Variants in DGKI observed in about 807,000 individuals in gnomAD.
The protein encoded by DGKI is diacylglycerol kinase iota.
Under a neutral mutation model 147.5 loss-of-function variants are expected in DGKI, and 55 were observed. The observed-to-expected ratio is 0.37, with a 90% CI of 0.30 to 0.47. DGKI has a LOEUF of 0.47. Among genes scored for constraint, DGKI ranks in the 20% least tolerant of loss-of-function variants. The probability of loss-of-function intolerance (pLI) is 1.00; values close to 1 mark genes in which losing one functional copy is unlikely to be tolerated. For missense variants in DGKI, 1,007 were observed against 1,323.8 expected, an observed-to-expected ratio of 0.76 and a Z score of 3.71; for synonymous variants, 469 against 477.1, an observed-to-expected ratio of 0.98 and a Z score of 0.22.
intron 1 of DGKI, among the ~76,000 whole-genome samples, chr7:137,803,811 G>T (rs570935587): frequency 6.6e-6 from 1 of 152,306 alleles, no homozygotes; most frequent in African/African-American, 2.4e-5. Flanking sequence ...ACGGACATTG[G>T]AACACAGCAA....
At chr7:137,759,818 C>T (rs991270427) in intron 1 of DGKI, among the ~76,000 whole-genome samples, 5 of 152,008 alleles carry the variant, frequency 3.3e-5, no homozygotes, top group South Asian at 4.2e-4. Flanking sequence ...TCCTCCTTTT[C>T]GTCCCTCCCT....
rs1798714506 is a variant in DGKI, at chr7:137,846,157, TCTCTCACACACACACACACACACA to T, written c.401+281_401+304del. 1.4e-5 allele frequency among the ~76,000 whole-genome samples: 2 copies of T among 138,516 alleles called. No homozygotes were observed. The highest frequency in any genetic ancestry group is 5.9e-5 in the African/African-American group (2 of 33,862). The allele number at this position is 138,516 out of a possible 152,430, so 90.9% of individuals were successfully genotyped here. On this transcript the variant is annotated intron_variant, in intron 1 of 32. Transcript: ENST00000614521. The surrounding 1 kb of genome is among the most constrained non-coding windows in gnomAD (Gnocchi z 4.0). ...CTTTCTCTCTCTCTCTCTCTCTCTC[TCTCTCACACACACACACACACACA>T]CACACACACACACACACACACAGAC... is the stretch of plus-strand genomic sequence containing the variant.
chr7:137,782,089 C>T (rs189219087), intron 1 of DGKI, among the ~76,000 whole-genome samples: 28 of 152,266 alleles, frequency 1.8e-4, no homozygotes, highest in African/African-American at 6.3e-4. Flanking sequence ...TGAGAAAATC[C>T]ACAGACCCTT....
At chr7:137,528,010 A>C (rs138397363) in intron 20 of DGKI, among the ~76,000 whole-genome samples, 1 of 152,338 alleles carries the variant, frequency 6.6e-6, no homozygotes, top group East Asian at 1.9e-4. Flanking sequence ...CAGCAGCTAG[A>C]ACAATGCCTG....
chr7:137,587,058 T>G, intron 13 of DGKI, 39 bp downstream of exon 13: 2 of 1,429,640 alleles, frequency 1.4e-6, no homozygotes, highest in Non-Finnish European at 1.9e-6. Context: ...TCCGGTTTGT[T>G]GTTTGATGAT....
chr7:137,384,178 AT>A lies in DGKI; in HGVS notation c.*7041del, dbSNP rs1554392701. ...TCAAAGGAAGAAAAATAGGACTAAC[AT>A]TTTTTAAATGCTGAGAATCACAAAT... is the stretch of plus-strand genomic sequence containing the variant. On this transcript the variant is annotated 3_prime_UTR_variant, in exon 33 of 33. Transcript: ENST00000614521. 6.6e-6 allele frequency: 1 copy of A among 151,994 alleles called. No homozygotes were observed. The highest frequency in any genetic ancestry group is 1.5e-5 in the Non-Finnish European group (1 of 67,938). 9.4% of individuals were successfully genotyped at this position (151,994 alleles called of 1,614,324 possible).
intron 1 of DGKI, among the ~76,000 whole-genome samples, chr7:137,721,252 C>T (rs191318963): frequency 6.6e-6 from 1 of 152,204 alleles, no homozygotes; most frequent in African/African-American, 2.4e-5. Flanking sequence ...TACAAACAAT[C>T]CTACAATGAA....
intron 28 of DGKI, among the ~76,000 whole-genome samples, chr7:137,432,504 G>T (rs1431430846): frequency 2.6e-5 from 4 of 152,088 alleles, no homozygotes; most frequent in African/African-American, 9.7e-5. Flanking sequence ...GTTGATGTTT[G>T]TAAGCAAACT....
At chr7:137,578,008 G>C (rs1261120167) in intron 16 of DGKI, among the ~76,000 whole-genome samples, 1 of 152,118 alleles carries the variant, frequency 6.6e-6, no homozygotes, top group African/African-American at 2.4e-5. Context: ...TTTTTGAATA[G>C]CATCTTCTCT....
intron 30 of DGKI, among the ~76,000 whole-genome samples, chr7:137,405,905 A>G (rs1811928636): frequency 6.6e-6 from 1 of 152,156 alleles, no homozygotes; most frequent in Non-Finnish European, 1.5e-5. Flanking sequence ...CAGCCTCCTA[A>G]ATGAGACCAA....
In DGKI at chr7:137,843,513, C is replaced by T. The variant is rs893105987; in HGVS notation, c.401+2949G>A. On this transcript the variant is annotated intron_variant, in intron 1 of 32. Coordinates refer to ENST00000614521, the MANE Select transcript of DGKI (RefSeq NM_001321708.2). ...GGGAAAAATGGTTCTCAAAAAAAGC[C>T]AACACAGAATAGATAATGAGGGGAA... 46 of 740,194 alleles carry T rather than the reference C, an allele frequency of 6.2e-5. 1 individual carries two copies. Among genetic ancestry groups the T allele is most frequent in the Non-Finnish European group, 2.0e-5 (12 of 606,474 alleles). The allele number at this position is 740,194 out of a possible 1,614,324, so 45.9% of individuals were successfully genotyped here.
chr7:137,726,197 C>T (rs1794712550), intron 1 of DGKI, among the ~76,000 whole-genome samples: 1 of 152,144 alleles, frequency 6.6e-6, no homozygotes, highest in African/African-American at 2.4e-5. Flanking sequence ...TCCTTTCAGA[C>T]TTCATCACTC....
intron 10 of DGKI, among the ~76,000 whole-genome samples, chr7:137,606,217 AATATT>A (rs973738665): frequency 2.0e-5 from 3 of 152,178 alleles, no homozygotes; most frequent in Non-Finnish European, 4.4e-5. Flanking sequence ...ACACAAGTAA[AATATT>A]ATATAAAGAG....
chr7:137,435,937 G>A (rs181927180), intron 28 of DGKI, among the ~76,000 whole-genome samples: 4 of 152,214 alleles, frequency 2.6e-5, no homozygotes, highest in Admixed American at 2.6e-4. Flanking sequence ...GCACCATCAT[G>A]TCAGGCTTAT....
chr7:137,645,691 T>A (rs1482874694), intron 5 of DGKI, among the ~76,000 whole-genome samples, 154 bp from the exon 6 acceptor site: 1 of 152,232 alleles, frequency 6.6e-6, no homozygotes, highest in South Asian at 2.1e-4. Context: ...CTCAGCCTCC[T>A]GAATAGTGGG....
chr7:137,651,962 T>C (rs1822042485), intron 5 of DGKI, among the ~76,000 whole-genome samples: 1 of 152,038 alleles, frequency 6.6e-6, no homozygotes, highest in Admixed American at 6.5e-5. Flanking sequence ...TTTCAGTAAA[T>C]GGGTAGAGTA....
chr7:137,822,862 C>T (rs1192046573), intron 1 of DGKI, among the ~76,000 whole-genome samples: 1 of 150,318 alleles, frequency 6.7e-6, no homozygotes. Context: ...AGTATGATCA[C>T]AAAAAATTTA....
intron 1 of DGKI, among the ~76,000 whole-genome samples, chr7:137,790,376 C>T (rs1488871229): frequency 6.6e-6 from 1 of 152,002 alleles, no homozygotes; most frequent in Non-Finnish European, 1.5e-5. Flanking sequence ...GATATGACTG[C>T]AATAAGCTAC....
chr7:137,569,112 G>C (rs1035905697), intron 19 of DGKI, among the ~76,000 whole-genome samples: 6 of 152,114 alleles, frequency 3.9e-5, no homozygotes, highest in African/African-American at 1.2e-4. Context: ...GCTTGAGCTA[G>C]AAAGCAAAGA....
Sources: allele counts gnomAD v4.1 joint callset (sites outside exome capture counted in the v4.1 genomes callset), GRCh38; gene constraint gnomAD v4.1.1; non-coding constraint Gnocchi (gnomAD v3.1); transcripts MANE v1.5; gene names NCBI Gene and HGNC (gene_info 2026-07-23, HGNC 2026-07-21).